The following KLHL21 variants were observed in gnomAD, a reference collection of about 807,000 sequenced individuals.
KLHL21 encodes the protein kelch like family member 21, also known as kelch-like protein 21.
Under a neutral mutation model 44.1 loss-of-function variants are expected in KLHL21, and 42 were observed. That is an observed-to-expected ratio of 0.95 (90% CI 0.74 to 1.23). KLHL21 has a LOEUF of 1.23. Ranked by LOEUF, KLHL21 falls within the 50% of genes most tolerant of loss-of-function variation. The pLI, the probability that KLHL21 is intolerant of heterozygous loss-of-function variation, is 0.00. For missense variants in KLHL21, 918 were observed against 889.1 expected, an observed-to-expected ratio of 1.03 and a Z score of -0.41; for synonymous variants, 524 against 411.6, an observed-to-expected ratio of 1.27 and a Z score of -3.31.
Position 6,602,865 on chromosome 1 carries a change from G to C in KLHL21, c.-48C>G, listed in dbSNP as rs924498318. 2 of 1,373,376 alleles carry C rather than the reference G, an allele frequency of 1.5e-6. No homozygotes were observed. The highest frequency in any genetic ancestry group is 1.9e-6 in the Non-Finnish European group (2 of 1,072,304). 85.1% of individuals were successfully genotyped at this position (1,373,376 alleles called of 1,614,324 possible). A position where few individuals can be genotyped will look rare whatever the true frequency, so the allele number is the denominator to read the frequency against. On this transcript the variant is annotated 5_prime_UTR_variant, in exon 1 of 4. Transcript: ENST00000377658. ...GGACGCCGCGGCCGGGGCCTGCGGA[G>C]AGACGCGGCGCGCTAGGCACCGCTG... is the stretch of plus-strand genomic sequence containing the variant.
chr1:6,594,889 G>A (rs1175336212), intron 3 of KLHL21: 1 of 153,728 alleles, frequency 6.5e-6, no homozygotes, highest in Non-Finnish European at 1.4e-5. Context: ...ATATCCTTTT[G>A]TATCTACATA....
intron 2 of KLHL21, among the ~76,000 whole-genome samples, chr1:6,597,146 A>G (rs1390524033): frequency 6.6e-6 from 1 of 152,192 alleles, no homozygotes; most frequent in Admixed American, 6.5e-5. Flanking sequence ...AGATGAACGC[A>G]TGCAGCCTTT....
chr1:6,600,040 G>A (rs559968624), intron 1 of KLHL21, among the ~76,000 whole-genome samples: 18 of 151,966 alleles, frequency 1.2e-4, no homozygotes, highest in Admixed American at 1.1e-3. Flanking sequence ...ATATTCTTCT[G>A]CCTGTATTAT....
chr1:6,591,281 G>A lies in KLHL21; in HGVS notation c.*2084C>T, dbSNP rs1460749486. On this transcript the variant is annotated 3_prime_UTR_variant, in exon 4 of 4. Transcript: ENST00000377658. ...GTAGGTCCGGAGGACAGACACAGGA[G>A]AGGGCACAATCCCAAGCGCAGCTCT... The A allele has an allele frequency of 2.7e-5, 9 of 337,554 alleles. No individual in the cohort carries two copies. The highest frequency in any genetic ancestry group is 5.3e-6 in the Non-Finnish European group (1 of 187,598). 20.9% of individuals were successfully genotyped at this position (337,554 alleles called of 1,614,324 possible).
Position 6,594,003 on chromosome 1 carries a change from G to A in KLHL21, c.1501-345C>T, listed in dbSNP as rs572475546. On this transcript the variant is annotated intron_variant, in intron 3 of 3. Coordinates refer to ENST00000377658, the MANE Select transcript of KLHL21 (RefSeq NM_014851.4). ...TGCTGTTCTCCCCATGTTACAGATG[G>A]GAAAACTGAGGCTTGCATGGCTGAC... 2.2e-5 allele frequency: 24 copies of A among 1,072,542 alleles called. No individual in the cohort carries two copies. In the East Asian group the frequency reaches 1.5e-3, roughly 67 times the overall value. The allele number at this position is 1,072,542 out of a possible 1,614,324, so 66.4% of individuals were successfully genotyped here. A position where few individuals can be genotyped will look rare whatever the true frequency, so the allele number is the denominator to read the frequency against.
At chr1:6,594,123 C>T (rs1307626824) in intron 3 of KLHL21, 5 of 985,254 alleles carry the variant, frequency 5.1e-6, no homozygotes, top group Non-Finnish European at 6.0e-6. Context: ...GCGGGGAAAA[C>T]AGAACGCTGG....
chr1:6,594,361 G>T (rs1325902306), intron 3 of KLHL21: 1 of 152,286 alleles, frequency 6.6e-6, no homozygotes, highest in Admixed American at 6.5e-5. Flanking sequence ...AGAAGGGGTG[G>T]ACCCTGGTTG....
Position 6,602,632 on chromosome 1 carries a change from G to A in KLHL21, c.186C>T (p.Arg62=), listed in dbSNP as rs1641051063. 3 of 1,518,476 alleles carry A rather than the reference G, an allele frequency of 2.0e-6. No homozygotes were observed. In the East Asian group the frequency reaches 7.5e-5, roughly 38 times the overall value. The allele number at this position is 1,518,476 out of a possible 1,614,324, so 94.1% of individuals were successfully genotyped here. A position where few individuals can be genotyped will look rare whatever the true frequency, so the allele number is the denominator to read the frequency against. ...AVLAAASPYF[R]AMFAGQLRES... is the part of the protein sequence containing the mutation. ...CGCGCAGCTGCCCCGCGAACATGGC[G>A]CGGAAGTAGGGGCTGGCGGCGGCCA... The change falls in exon 1 of 4, where the codon CGC becomes CGT. Residue 62 remains arginine (R), a synonymous_variant. Transcript: ENST00000377658.
rs775185852 is a variant in KLHL21 at position 6,599,301 on chromosome 1, G to A, written c.1173C>T (p.Ser391=). 1.2e-6 allele frequency: 2 copies of A among 1,613,998 alleles called. No homozygotes were observed. The highest frequency in any genetic ancestry group is 1.7e-5 in the Admixed American group (1 of 60,022). The part of the protein sequence containing the change: ...DGLLYVVAAD[S]TERYDHTTDS... The stretch of plus-strand genomic sequence containing the variant: ...CAGTGGTGTGGTCATAGCGCTCGGT[G>A]CTGTCGGCGGCCACCACGTACAGCA... Residue 391 remains serine (S), a synonymous_variant, in exon 2 of 4, where the codon AGC becomes AGT. Coordinates refer to ENST00000377658, the MANE Select transcript of KLHL21 (RefSeq NM_014851.4).
At chr1:6,595,241 C>T (rs1030159093) in intron 3 of KLHL21, 4 of 615,570 alleles carry the variant, frequency 6.5e-6, no homozygotes, top group Non-Finnish European at 8.8e-6. Context: ...TGCTCTCTGG[C>T]TCACAGCAGA....
rs557224878 is a variant in KLHL21, at chr1:6,593,455, C to T, written c.1704G>A (p.Ser568=). Residue 568 remains serine, a synonymous_variant, in exon 4 of 4, where the codon TCG becomes TCA. Coordinates refer to ENST00000377658, the MANE Select transcript of KLHL21 (RefSeq NM_014851.4). ...IFRQFMPQTF[S]GGRGFELDSG... ...TGTCCAACTCGAAGCCACGCCCACC[C>T]GAGAAGGTCTGGGGCATGAACTGGC... 7.8e-4 allele frequency: 1,257 copies of T among 1,613,662 alleles called. 18 individuals are homozygous for T. In the South Asian group the frequency reaches 0.013, roughly 16 times the overall value.
chr1:6,601,998 G>A lies in KLHL21; in HGVS notation c.820C>T (p.Pro274Ser). 3.2e-6 allele frequency: 5 copies of A among 1,547,622 alleles called. No individual in the cohort carries two copies. Among genetic ancestry groups the A allele is most frequent in the Non-Finnish European group, 4.4e-6 (5 of 1,144,756 alleles). ...RYDRHDRGPC[P>S]RMRPRPSTGL... Reference sequence around the variant, plus strand: ...GTGGACGGGCGAGGACGCATTCGGGGACAGGGCCCGCGGTCGTGGCGGTCG... The same window carrying A: ...GTGGACGGGCGAGGACGCATTCGGGAACAGGGCCCGCGGTCGTGGCGGTCG... Residue 274 changes from proline to serine, a missense_variant, in exon 1 of 4, where the codon CCC becomes TCC. Physicochemically the swap from Pro to Ser is moderately conservative, Grantham distance 74 (BLOSUM62 -1). Coordinates refer to ENST00000377658, the MANE Select transcript of KLHL21 (RefSeq NM_014851.4).
chr1:6,590,793 T>C lies in KLHL21; in HGVS notation c.*2572A>G, dbSNP rs1413443814. On this transcript the variant is annotated 3_prime_UTR_variant, in exon 4 of 4. Coordinates refer to ENST00000377658, the MANE Select transcript of KLHL21 (RefSeq NM_014851.4). ...AAAACCTTAAGCAGGATTCTGGACA[T>C]GGAAGCCTACAGAATAGACAAAAAT... is the stretch of plus-strand genomic sequence containing the variant. 2.5e-5 allele frequency: 10 copies of C among 396,626 alleles called. No individual in the cohort carries two copies. Among genetic ancestry groups the C allele is most frequent in the Admixed American group, 4.4e-5 (1 of 22,668 alleles). The allele number at this position is 396,626 out of a possible 1,614,324, so 24.6% of individuals were successfully genotyped here.
Position 6,593,292 on chromosome 1 carries a change from A to G in KLHL21, c.*73T>C, listed in dbSNP as rs1640877239. The G allele has an allele frequency of 6.9e-7, 1 of 1,449,920 alleles. No individual in the cohort carries two copies. The highest frequency in any genetic ancestry group is 9.2e-7 in the Non-Finnish European group (1 of 1,082,954). The allele number at this position is 1,449,920 out of a possible 1,614,324, so 89.8% of individuals were successfully genotyped here. A position where few individuals can be genotyped will look rare whatever the true frequency, so the allele number is the denominator to read the frequency against. On this transcript the variant is annotated 3_prime_UTR_variant, in exon 4 of 4. Coordinates refer to ENST00000377658, the MANE Select transcript of KLHL21 (RefSeq NM_014851.4). ...CTGTGAGCCCAACGTGTCCTTGTGC[A>G]CAAAGGAGTGGGGCACTGCCCCGCA...
In KLHL21 at chr1:6,591,932, A is replaced by T. The variant is rs1185339528; in HGVS notation, c.*1433T>A. 6.6e-6 allele frequency: 1 copy of T among 152,334 alleles called. No individual in the cohort carries two copies. Among genetic ancestry groups the T allele is most frequent in the Non-Finnish European group, 1.5e-5 (1 of 68,124 alleles). The allele number at this position is 152,334 out of a possible 1,614,324, so 9.4% of individuals were successfully genotyped here. On this transcript the variant is annotated 3_prime_UTR_variant, in exon 4 of 4. Transcript: ENST00000377658. ...TTCCCAGCACAGCAGGTGCTGGAAG[A>T]TGACCATGACCCAAGCGAGAAGAGC...
rs2232459 is a variant in KLHL21 at position 6,599,518 on chromosome 1, G to A, written c.1022-66C>T. The A allele has an allele frequency of 6.8e-3, 10,173 of 1,490,440 alleles. 186 individuals carry two copies. Among genetic ancestry groups the A allele is most frequent in the African/African-American group, 0.062 (4,522 of 72,486 alleles). The allele number at this position is 1,490,440 out of a possible 1,614,324, so 92.3% of individuals were successfully genotyped here. A position where few individuals can be genotyped will look rare whatever the true frequency, so the allele number is the denominator to read the frequency against. ...GTGAGTCACCCACCTGCACCCTCCCGAACTTCCGCAAGGGCCTCTGCCTTG... is the reference window on the plus strand; with the variant it reads ...GTGAGTCACCCACCTGCACCCTCCCAAACTTCCGCAAGGGCCTCTGCCTTG... On this transcript the variant is annotated intron_variant, in intron 1 of 3. Coordinates refer to ENST00000377658, the MANE Select transcript of KLHL21 (RefSeq NM_014851.4).
In KLHL21 at chr1:6,602,650, G is replaced by T. The variant is rs988269647; in HGVS notation, c.168C>A (p.Ala56=). 14 of 1,515,766 alleles carry T rather than the reference G, an allele frequency of 9.2e-6. No homozygotes were observed. Among genetic ancestry groups the T allele is most frequent in the Non-Finnish European group, 1.1e-5 (13 of 1,138,816 alleles). 93.9% of individuals were successfully genotyped at this position (1,515,766 alleles called of 1,614,324 possible). ...DFPAHRAVLA[A]ASPYFRAMFA... is the part of the protein sequence containing the mutation. ...ACATGGCGCGGAAGTAGGGGCTGGCGGCGGCCAGCACCGCACGGTGCGCCG... is the reference window on the plus strand; with the variant it reads ...ACATGGCGCGGAAGTAGGGGCTGGCTGCGGCCAGCACCGCACGGTGCGCCG... The change falls in exon 1 of 4, where the codon GCC becomes GCA. Residue 56 remains alanine (A), a synonymous_variant. Coordinates refer to ENST00000377658, the MANE Select transcript of KLHL21 (RefSeq NM_014851.4).
At chr1:6,600,681 T>A (rs530791096) in intron 1 of KLHL21, among the ~76,000 whole-genome samples, 1 of 152,228 alleles carries the variant, frequency 6.6e-6, no homozygotes, top group African/African-American at 2.4e-5. Flanking sequence ...GGGACATTTA[T>A]GGAAGGGTGT....
chr1:6,602,495 G>C lies in KLHL21; in HGVS notation c.323C>G (p.Pro108Arg). The C allele has an allele frequency of 1.3e-6, 2 of 1,550,984 alleles. No individual in the cohort carries two copies. Among genetic ancestry groups the C allele is most frequent in the African/African-American group, 1.4e-5 (1 of 73,492 alleles). The stretch of plus-strand genomic sequence containing the variant: ...CAGCAGGTCGGCGGCGCGCAGCAGC[G>C]GCTCAGCGTTGTCGCCGCTTACCGC... Reference protein sequence around the residue: ...RVAVSGDNAEPLLRAADLLQF... With the variant: ...RVAVSGDNAERLLRAADLLQF... Residue 108 changes from proline (P) to arginine (R), a missense_variant, in exon 1 of 4, where the codon CCG becomes CGG. Coordinates refer to ENST00000377658, the MANE Select transcript of KLHL21 (RefSeq NM_014851.4).
Sources: gnomAD v4.1 joint callset for allele counts (sites outside exome capture counted in the v4.1 genomes callset) on GRCh38, gnomAD v4.1.1 for gene constraint, MANE v1.5 for transcripts, NCBI Gene and HGNC (gene_info 2026-07-23, HGNC 2026-07-21) for gene names.